The following PPM1B variants were observed in gnomAD, a reference collection of about 807,000 sequenced individuals.
The protein encoded by PPM1B is protein phosphatase, Mg2+/Mn2+ dependent 1B, also known as protein phosphatase 1B.
A neutral mutation model predicts 43.0 loss-of-function variants in PPM1B; 22 were observed. The observed-to-expected ratio is 0.51, with a 90% confidence interval of 0.37 to 0.73. The LOEUF (loss-of-function observed/expected upper bound fraction) is 0.73. Ranked by LOEUF, PPM1B falls within the 30% of genes least tolerant of loss-of-function variation. PPM1B has a pLI of 0.00. For synonymous variants in PPM1B, 217 were observed against 197.9 expected, an observed-to-expected ratio of 1.10 and a Z score of -0.81; for missense variants, 632 against 584.2, an observed-to-expected ratio of 1.08 and a Z score of -0.84.
At chr2:44,200,546 A>G (rs1286648261) in intron 1 of PPM1B, among the ~76,000 whole-genome samples, 1 of 152,212 alleles carries the variant, frequency 6.6e-6, no homozygotes, top group Non-Finnish European at 1.5e-5. Context: ...AATCAAAGTA[A>G]TGATAAGGTT....
At chr2:44,192,477 A>G (rs1668454650) in intron 1 of PPM1B, among the ~76,000 whole-genome samples, 2 of 152,088 alleles carry the variant, frequency 1.3e-5, no homozygotes, top group African/African-American at 2.4e-5. Context: ...CGGCCTCCCA[A>G]AGTACTGGGA....
chr2:44,200,445 C>G (rs1270793834), intron 1 of PPM1B, among the ~76,000 whole-genome samples: 2 of 152,136 alleles, frequency 1.3e-5, no homozygotes, highest in East Asian at 1.9e-4. Context: ...AAGTCTTTGT[C>G]AGTCAACACT....
intron 3 of PPM1B, among the ~76,000 whole-genome samples, chr2:44,210,263 C>G (rs984977869): frequency 3.4e-5 from 5 of 145,142 alleles, no homozygotes. Flanking sequence ...GTTGCCTAGG[C>G]TGGAGTACAG....
intron 1 of PPM1B, among the ~76,000 whole-genome samples, chr2:44,171,852 A>AG (rs1667364187): frequency 1.4e-5 from 2 of 141,004 alleles, no homozygotes; most frequent in African/African-American, 5.2e-5. Flanking sequence ...AAAAAAAAAA[A>AG]GCTGTATTTC....
intron 1 of PPM1B, among the ~76,000 whole-genome samples, chr2:44,186,594 C>G (rs995349479): frequency 5.3e-5 from 8 of 152,136 alleles, no homozygotes; most frequent in African/African-American, 1.7e-4. Flanking sequence ...AGGCTGGTCT[C>G]AAACTGCTGG....
At chr2:44,173,549 A>G (rs1367770079) in intron 1 of PPM1B, among the ~76,000 whole-genome samples, 2 of 152,246 alleles carry the variant, frequency 1.3e-5, no homozygotes, top group African/African-American at 2.4e-5. Context: ...ACCATGACAC[A>G]GAAGAGTGCT....
At chr2:44,180,620 T>G (rs937076920) in intron 1 of PPM1B, among the ~76,000 whole-genome samples, 1 of 150,676 alleles carries the variant, frequency 6.6e-6, no homozygotes, top group East Asian at 1.9e-4. Flanking sequence ...ATTACTTTTG[T>G]TTTTTTTTGA....
rs1321134095 is a variant in PPM1B at position 44,169,118 on chromosome 2, G to T, written c.-171G>T. 1.2e-5 allele frequency: 2 copies of T among 173,078 alleles called. No homozygotes were observed. The highest frequency in any genetic ancestry group is 7.0e-5 in the Admixed American group (1 of 14,316). The allele number at this position is 173,078 out of a possible 1,614,324, so 10.7% of individuals were successfully genotyped here. A position where few individuals can be genotyped will look rare whatever the true frequency, so the allele number is the denominator to read the frequency against. ...GCATCGGCGGCGGCGGCGGCGTGAG[G>T]GGCCGGGCGGTGTAAACAGCCCCGG... On this transcript the variant is annotated 5_prime_UTR_variant, in exon 1 of 6. Coordinates refer to ENST00000282412, the MANE Select transcript of PPM1B (RefSeq NM_002706.6).
At chr2:44,245,040 C>T (rs1670830944), downstream of PPM1B, among the ~76,000 whole-genome samples, 1 of 151,928 alleles carries the variant, frequency 6.6e-6, no homozygotes. Context: ...ATTTACGTAT[C>T]CATGCTGATT....
At chr2:44,228,003 C>T (rs1670298041) in intron 5 of PPM1B, among the ~76,000 whole-genome samples, 1 of 145,418 alleles carries the variant, frequency 6.9e-6, no homozygotes, top group East Asian at 2.0e-4. Context: ...GTCACTGCAA[C>T]CTCCGCCCTC....
intron 1 of PPM1B, among the ~76,000 whole-genome samples, chr2:44,192,096 A>G: frequency 1.1e-5 from 1 of 93,788 alleles, no homozygotes; most frequent in South Asian, 3.3e-4. Context: ...TTTACTTTTG[A>G]TTTTTTTTTT....
At chr2:44,239,841 ATGTG>A (rs1486374608) in intron 5 of PPM1B, among the ~76,000 whole-genome samples, 1 of 151,006 alleles carries the variant, frequency 6.6e-6, no homozygotes, top group East Asian at 1.9e-4. Context: ...TTCCCCAAAT[ATGTG>A]TGGTCCATTT....
intron 1 of PPM1B, among the ~76,000 whole-genome samples, chr2:44,174,815 A>T (rs1285008584): frequency 6.6e-6 from 1 of 152,228 alleles, no homozygotes; most frequent in African/African-American, 2.4e-5. Context: ...TGTTCTTATG[A>T]GTAGGAGAAT....
intron 5 of PPM1B, among the ~76,000 whole-genome samples, chr2:44,227,922 CTTTTTTTTTTT>C (rs59259343): frequency 9.4e-6 from 1 of 106,780 alleles, no homozygotes; most frequent in East Asian, 2.8e-4. Flanking sequence ...TTTTTCTTTT[CTTTTTTTTTTT>C]TTTTTTGAGA....
At chr2:44,200,995 G>T (rs533057375) in intron 1 of PPM1B, among the ~76,000 whole-genome samples, 191 bp from the exon 2 acceptor site, 1 of 152,040 alleles carries the variant, frequency 6.6e-6, no homozygotes, top group Non-Finnish European at 1.5e-5. Context: ...ATTCTTACGC[G>T]CTAGGGCTGA....
chr2:44,216,285 G>T (rs1378799972), intron 3 of PPM1B, among the ~76,000 whole-genome samples: 1 of 152,122 alleles, frequency 6.6e-6, no homozygotes, highest in Non-Finnish European at 1.5e-5. Flanking sequence ...ATAGCTGAGG[G>T]GGTGCCACTG....
At chr2:44,211,948 C>T (rs1267865087) in intron 3 of PPM1B, among the ~76,000 whole-genome samples, 1 of 152,064 alleles carries the variant, frequency 6.6e-6, no homozygotes, top group Non-Finnish European at 1.5e-5. Context: ...GGGGTTTCTC[C>T]ATGTTGGTCA....
intron 2 of PPM1B, among the ~76,000 whole-genome samples, chr2:44,202,699 C>T (rs1195065036): frequency 1.3e-5 from 2 of 152,006 alleles, no homozygotes; most frequent in African/African-American, 4.8e-5. Flanking sequence ...CCAAAGGCTT[C>T]TATAAAACAT....
chr2:44,205,196 A>G (rs565123231), intron 2 of PPM1B, among the ~76,000 whole-genome samples: 1 of 152,346 alleles, frequency 6.6e-6, no homozygotes, highest in African/African-American at 2.4e-5. Context: ...AAGTAAGGAA[A>G]TGGAGGTTGT....
Sources: allele counts gnomAD v4.1 joint callset (sites outside exome capture counted in the v4.1 genomes callset), GRCh38; gene constraint gnomAD v4.1.1; transcripts MANE v1.5; gene names NCBI Gene and HGNC (gene_info 2026-07-23, HGNC 2026-07-21).